MSI1: variants seen among roughly 807,000 people sequenced by gnomAD.
The protein encoded by MSI1 is musashi RNA binding protein 1.
A neutral mutation model predicts 54.4 loss-of-function variants in MSI1; 15 were observed. The observed-to-expected ratio is 0.28, with a 90% CI of 0.18 to 0.42. The LOEUF is 0.42. Among genes scored for constraint, MSI1 ranks in the 20% least tolerant of loss-of-function variants. MSI1 has a pLI of 1.00. For synonymous variants in MSI1, 200 were observed against 196.5 expected (o/e 1.02, Z -0.15); for missense variants, 304 against 506.0 (o/e 0.60, Z 3.83).
chr12:120,367,056 C>G (rs1364889264), intron 4 of MSI1, among the ~76,000 whole-genome samples: 1 of 152,144 alleles, frequency 6.6e-6, no homozygotes, highest in Non-Finnish European at 1.5e-5. Flanking sequence ...CTCATTACTG[C>G]GAGCGGGAGC....
intron 9 of MSI1, among the ~76,000 whole-genome samples, chr12:120,355,030 CAAAAAAAAAAAA>C (rs71076610): frequency 2.3e-4 from 10 of 44,098 alleles, no homozygotes; most frequent in African/African-American, 7.2e-4. Flanking sequence ...CCGTCTCTAC[CAAAAAAAAAAAA>C]AAAAAAAAAA....
rs1875411857 is a variant in MSI1, at chr12:120,359,114, G to T, written c.403-61C>A. ...ACCAGCGGAACCCACTACCACCAAGGAACAGGGGCTCTGGCAACCCACTGC... is the reference window on the plus strand; with the variant it reads ...ACCAGCGGAACCCACTACCACCAAGTAACAGGGGCTCTGGCAACCCACTGC... On this transcript the variant is annotated intron_variant, in intron 6 of 14. Transcript: ENST00000257552. 1.9e-6 allele frequency: 3 copies of T among 1,545,314 alleles called. No individual in the cohort carries two copies. In the East Asian group the frequency reaches 7.3e-5, roughly 38 times the overall value.
intron 13 of MSI1, 81 bp from the exon 14 acceptor site, chr12:120,345,713 T>C (rs771872478): frequency 1.9e-6 from 3 of 1,554,732 alleles, no homozygotes; most frequent in Non-Finnish European, 2.7e-6. Flanking sequence ...GCAGGACATC[T>C]GAAGTGAGGC....
rs558821923 is a variant in MSI1 at position 120,346,330 on chromosome 12, C to T, written c.860-8G>A. ...TCGTCCAGGGGTGAGAGCCTGGCAA[C>T]CCAGAAAGAAGACGGTGATAGCCCT... is the stretch of plus-strand genomic sequence containing the variant. On this transcript the variant is annotated splice_polypyrimidine_tract_variant and splice_region_variant and intron_variant, in intron 12 of 14. Transcript: ENST00000257552. The T allele has an allele frequency of 1.3e-6, 2 of 1,522,322 alleles. No individual in the cohort carries two copies. Among genetic ancestry groups the T allele is most frequent in the East Asian group, 2.4e-5 (1 of 42,516 alleles). The allele number at this position is 1,522,322 out of a possible 1,614,324, so 94.3% of individuals were successfully genotyped here.
intron 7 of MSI1, 37 bp from the exon 8 acceptor site, chr12:120,357,935 C>T: frequency 6.3e-7 from 1 of 1,597,238 alleles, no homozygotes; most frequent in South Asian, 1.1e-5. Context: ...AAGGTCAGAA[C>T]CAGAGCGCAG....
At chr12:120,346,916 C>T (rs1459249512) in intron 12 of MSI1, among the ~76,000 whole-genome samples, 3 of 152,054 alleles carry the variant, frequency 2.0e-5, no homozygotes, top group African/African-American at 7.2e-5. Flanking sequence ...CACCAGGCTG[C>T]AAGCCCTGGA....
At chr12:120,363,245 C>T in intron 5 of MSI1, 110 bp from the exon 6 acceptor site, 3 of 881,524 alleles carry the variant, frequency 3.4e-6, no homozygotes, top group East Asian at 2.4e-5. Flanking sequence ...TCTCTGTGGC[C>T]CCAGCCTCTT....
intron 5 of MSI1, among the ~76,000 whole-genome samples, chr12:120,364,302 AG>A (rs1875881498): frequency 6.6e-6 from 1 of 152,116 alleles, no homozygotes; most frequent in African/African-American, 2.4e-5. Flanking sequence ...GGGGGATCCA[AG>A]GGTAGCTCCC....
chr12:120,351,992 A>G (rs972218947), intron 10 of MSI1, among the ~76,000 whole-genome samples: 6 of 146,854 alleles, frequency 4.1e-5, no homozygotes, highest in Admixed American at 6.9e-5. Context: ...ACAGGCATGA[A>G]CCACCGCGCC....
chr12:120,346,176 C>G lies in MSI1; in HGVS notation c.1006G>C (p.Ala336Pro). The change falls in exon 13 of 15, where the codon GCC becomes CCC. Residue 336 changes from alanine to proline, a missense_variant. By Grantham distance (27) the Ala-to-Pro change is conservative (BLOSUM62 -1). Around this residue, in one of 4 missense-constraint regions of MSI1, gnomAD observed 147 missense variants for 231.5 expected, o/e 0.64. Transcript: ENST00000257552. ...DSGVSSYISA[A>P]SPAPSTGFGH... The stretch of plus-strand genomic sequence containing the variant: ...AAGCCGGTGCTGGGGGCAGGGCTGG[C>G]GGCGCTGATGTAACTGCTGACCCCC... 1.3e-6 allele frequency: 2 copies of G among 1,597,284 alleles called. No individual in the cohort carries two copies. The highest frequency in any genetic ancestry group is 1.7e-6 in the Non-Finnish European group (2 of 1,173,144).
chr12:120,350,377 G>A (rs1874490870), intron 11 of MSI1, among the ~76,000 whole-genome samples: 1 of 152,038 alleles, frequency 6.6e-6, no homozygotes, highest in African/African-American at 2.4e-5. Flanking sequence ...CCTCCACCCT[G>A]ACAACTAGTG....
At chr12:120,350,163 AG>A (rs1874473055) in intron 11 of MSI1, among the ~76,000 whole-genome samples, 1 of 152,134 alleles carries the variant, frequency 6.6e-6, no homozygotes, top group African/African-American at 2.4e-5. Context: ...CTGGGACTAC[AG>A]GCATGCACCA....
At chr12:120,364,688 C>A in intron 5 of MSI1, 26 bp downstream of exon 5, 1 of 1,570,430 alleles carries the variant, frequency 6.4e-7, no homozygotes, top group South Asian at 1.2e-5. Flanking sequence ...AGTAAGAGAG[C>A]TCCTCCCAGA....
chr12:120,354,053 T>C (rs933697533), intron 9 of MSI1, among the ~76,000 whole-genome samples: 1 of 152,002 alleles, frequency 6.6e-6, no homozygotes, highest in Non-Finnish European at 1.5e-5. Flanking sequence ...GGTACAATTG[T>C]AGGTCACTGC....
At chr12:120,351,457 C>A in intron 10 of MSI1, 57 bp from the exon 11 acceptor site, 2 of 1,537,840 alleles carry the variant, frequency 1.3e-6, no homozygotes, top group South Asian at 1.1e-5. Context: ...TTGGACATGG[C>A]CCAGGGAGGA....
chr12:120,362,998 G>C (rs774455848), intron 6 of MSI1, 45 bp downstream of exon 6: 27 of 1,512,202 alleles, frequency 1.8e-5, no homozygotes, highest in Non-Finnish European at 2.5e-5. Flanking sequence ...CCATTCTACA[G>C]TGTGTTCACA....
chr12:120,363,636 C>T (rs562660859), intron 5 of MSI1, among the ~76,000 whole-genome samples: 2 of 152,174 alleles, frequency 1.3e-5, no homozygotes, highest in African/African-American at 4.8e-5. Flanking sequence ...ATGGCTAATC[C>T]GCGGCAATTC....
At position 120,363,081 on chromosome 12, in the gene MSI1, C is replaced by T. The variant is rs917973761; in HGVS notation, c.364G>A (p.Val122Met). The T allele has an allele frequency of 6.2e-7, 1 of 1,614,146 alleles. No individual in the cohort carries two copies. The highest frequency in any genetic ancestry group is 8.5e-7 in the Non-Finnish European group (1 of 1,180,010). The part of the protein sequence containing the change: ...FVGGLSVNTT[V>M]EDVKQYFEQF... ...TCAAAATATTGCTTCACGTCCTCCA[C>T]CGTGGTGTTCACCGACAGCCCCCCC... is the stretch of plus-strand genomic sequence containing the variant. Residue 122 changes from valine (V) to methionine (M), a missense_variant, in exon 6 of 15, where the codon GTG becomes ATG. Physicochemically the swap from Val to Met is conservative, Grantham distance 21. This residue lies in a region of MSI1 where 105 missense variants were observed against 230.1 expected (regional missense o/e 0.46). Coordinates refer to ENST00000257552, the MANE Select transcript of MSI1 (RefSeq NM_002442.4).
intron 6 of MSI1, among the ~76,000 whole-genome samples, chr12:120,361,865 C>A (rs375694543): frequency 6.6e-6 from 1 of 151,966 alleles, no homozygotes; most frequent in African/African-American, 2.4e-5. Context: ...AAGACGCGGC[C>A]GCTGACGGCT....
Sources: allele counts gnomAD v4.1 joint callset (sites outside exome capture counted in the v4.1 genomes callset), GRCh38; gene constraint gnomAD v4.1.1; regional missense constraint gnomAD v4.1.1; transcripts MANE v1.5; gene names NCBI Gene and HGNC (gene_info 2026-07-23, HGNC 2026-07-21).